Variants in RBM6 observed in about 807,000 individuals in gnomAD.
The protein encoded by RBM6 is RNA binding motif protein 6, also known as RNA-binding protein 6.
In RBM6, 23 loss-of-function variants were observed where a neutral mutation model predicts 140.4. That is an observed-to-expected ratio of 0.16 (90% CI 0.12 to 0.23). The LOEUF (loss-of-function observed/expected upper bound fraction) is 0.23, where lower values mean the gene tolerates loss of function less well. RBM6 is among the 10% of genes least tolerant of loss of function. The pLI, the probability that RBM6 is intolerant of heterozygous loss-of-function variation, is 1.00. For missense variants in RBM6, 1,139 were observed against 1,386.7 expected (o/e 0.82, Z 2.84); for synonymous variants, 439 against 475.6 (o/e 0.92, Z 1.00).
chr3:50,005,273 G>T (rs2086521333), intron 6 of RBM6, among the ~76,000 whole-genome samples: 1 of 152,094 alleles, frequency 6.6e-6, no homozygotes. Context: ...GTGACAGGAG[G>T]ATCACTTGAG....
At chr3:49,986,932 T>C (rs920376732) in intron 5 of RBM6, among the ~76,000 whole-genome samples, 1 of 152,012 alleles carries the variant, frequency 6.6e-6, no homozygotes, top group African/African-American at 2.4e-5. Flanking sequence ...ACTATAGACA[T>C]GCACCACCAT....
At chr3:49,995,943 CCA>C (rs1216275919) in intron 5 of RBM6, among the ~76,000 whole-genome samples, 1 of 152,166 alleles carries the variant, frequency 6.6e-6, no homozygotes, top group Non-Finnish European at 1.5e-5. Flanking sequence ...AGCAATACAA[CCA>C]CTGTAAACAT....
chr3:49,994,772 CCTG>C (rs1277977412), intron 5 of RBM6, among the ~76,000 whole-genome samples: 43 of 151,740 alleles, frequency 2.8e-4, no homozygotes, highest in African/African-American at 8.5e-4. Context: ...AAAAAACCTT[CCTG>C]CTAATTGTGT....
At chr3:50,045,351 C>T (rs901786492) in intron 6 of RBM6, among the ~76,000 whole-genome samples, 5 of 152,184 alleles carry the variant, frequency 3.3e-5, no homozygotes, top group African/African-American at 4.8e-5. Flanking sequence ...CAGATGTATG[C>T]TCTAACAGCA....
At chr3:49,944,917 C>T (rs1486522998) in intron 1 of RBM6, among the ~76,000 whole-genome samples, 2 of 151,066 alleles carry the variant, frequency 1.3e-5, no homozygotes, top group East Asian at 3.9e-4. Context: ...TGCTCTGTCG[C>T]CCAGGCTGGA....
At chr3:49,986,722 C>T (rs1003782444) in intron 5 of RBM6, among the ~76,000 whole-genome samples, 1 of 151,428 alleles carries the variant, frequency 6.6e-6, no homozygotes, top group Admixed American at 6.6e-5. Flanking sequence ...CTCTTCTCTT[C>T]TCCTCTCTTC....
chr3:49,980,442 T>TA (rs2085256385), intron 5 of RBM6, among the ~76,000 whole-genome samples: 1 of 152,048 alleles, frequency 6.6e-6, no homozygotes, highest in Admixed American at 6.6e-5. Context: ...ATTGATAAAG[T>TA]AGATGGATCA....
chr3:49,958,584 A>C (rs2084120884), intron 1 of RBM6, among the ~76,000 whole-genome samples: 5 of 150,674 alleles, frequency 3.3e-5, no homozygotes, highest in Admixed American at 2.7e-4. Flanking sequence ...AAAAACAAAA[A>C]ACAAAAAACC....
rs189559218 is a variant in RBM6 at position 49,942,438 on chromosome 3, G to T, written c.-67+2213G>T. ...CGAGAGGCGGAGCTTGCAGTGAGCCGAGATTGCGCCACTGCACTCCAGCCT... is the reference window on the plus strand; with the variant it reads ...CGAGAGGCGGAGCTTGCAGTGAGCCTAGATTGCGCCACTGCACTCCAGCCT... On this transcript the variant is annotated intron_variant, in intron 1 of 20. Transcript: ENST00000266022. 1.6e-4 allele frequency among the ~76,000 whole-genome samples: 24 copies of T among 149,166 alleles called. No individual in the cohort carries two copies. The East Asian group carries it at 4.7e-3, about 29-fold the overall frequency.
intron 11 of RBM6, 129 bp downstream of exon 11, chr3:50,059,875 T>C (rs961266265): frequency 3.1e-6 from 2 of 642,768 alleles, no homozygotes; most frequent in Admixed American, 3.3e-5. Flanking sequence ...GATAGGTGTT[T>C]ATTACAGTTT....
At chr3:50,028,746 C>T (rs2087978412) in intron 6 of RBM6, among the ~76,000 whole-genome samples, 1 of 152,200 alleles carries the variant, frequency 6.6e-6, no homozygotes, top group African/African-American at 2.4e-5. Flanking sequence ...AAGGTTAGAA[C>T]TGGACCTGGC....
intron 1 of RBM6, among the ~76,000 whole-genome samples, chr3:49,962,320 T>G (rs555070370): frequency 1.3e-5 from 2 of 148,352 alleles, no homozygotes; most frequent in African/African-American, 5.0e-5. Flanking sequence ...GCGCCTGTAG[T>G]CCTAGCTACT....
At chr3:49,987,245 A>G (rs1436298317) in intron 5 of RBM6, among the ~76,000 whole-genome samples, 1 of 151,568 alleles carries the variant, frequency 6.6e-6, no homozygotes, top group African/African-American at 2.4e-5. Flanking sequence ...CCACCATGCC[A>G]GGCCTCTGAT....
chr3:49,989,160 G>A (rs1345251585), intron 5 of RBM6, among the ~76,000 whole-genome samples: 1 of 152,088 alleles, frequency 6.6e-6, no homozygotes, highest in Non-Finnish European at 1.5e-5. Context: ...TGCACCAAAC[G>A]AAACAACTTC....
At chr3:49,961,180 C>G (rs1444988728) in intron 1 of RBM6, among the ~76,000 whole-genome samples, 1 of 152,038 alleles carries the variant, frequency 6.6e-6, no homozygotes, top group Admixed American at 6.6e-5. Flanking sequence ...CGGTTTCAAG[C>G]GTTTCTCCTG....
intron 1 of RBM6, among the ~76,000 whole-genome samples, chr3:49,943,820 C>T (rs2108562588): frequency 6.6e-6 from 1 of 152,250 alleles, no homozygotes; most frequent in East Asian, 1.9e-4. Flanking sequence ...ATGGCTGCAT[C>T]GTTTTACATT....
Position 50,058,603 on chromosome 3 carries a change from C to T in RBM6, c.2130+41C>T, listed in dbSNP as rs145635475. 6.5e-4 allele frequency: 996 copies of T among 1,539,646 alleles called. 4 individuals are homozygous for T. In the African/African-American group the frequency reaches 0.012, roughly 18 times the overall value. On this transcript the variant is annotated intron_variant, in intron 10 of 20. Coordinates refer to ENST00000266022, the MANE Select transcript of RBM6 (RefSeq NM_005777.3). ...CTTGGATTGGCCTAGAGACAGATGG[C>T]TAAAGAACCTTCAAGAAGGTTTGAC...
At chr3:50,031,212 C>T (rs1482090941) in intron 6 of RBM6, among the ~76,000 whole-genome samples, 1 of 152,166 alleles carries the variant, frequency 6.6e-6, no homozygotes, top group Admixed American at 6.5e-5. Flanking sequence ...TACCATTTGA[C>T]CCAGCCATCC....
chr3:49,967,075 G>C lies in RBM6; in HGVS notation c.45-395G>C, dbSNP rs1021923826. ...AAATTTACAGTGCATTGATTTTTCTGATATATAGGAATCGTCATGTTGACC... is the reference window on the plus strand; with the variant it reads ...AAATTTACAGTGCATTGATTTTTCTCATATATAGGAATCGTCATGTTGACC... On this transcript the variant is annotated intron_variant, in intron 2 of 20. Coordinates refer to ENST00000266022, the MANE Select transcript of RBM6 (RefSeq NM_005777.3). This position sits in a 1 kb window ranked among gnomAD's most constrained non-coding sequence, Gnocchi z 4.0. The C allele has an allele frequency of 1.5e-5, 4 of 262,426 alleles. No individual in the cohort carries two copies. The highest frequency in any genetic ancestry group is 1.1e-4 in the Admixed American group (2 of 18,586). The allele number at this position is 262,426 out of a possible 1,614,324, so 16.3% of individuals were successfully genotyped here.
Sources: gnomAD v4.1 joint callset for allele counts (sites outside exome capture counted in the v4.1 genomes callset) on GRCh38, gnomAD v4.1.1 for gene constraint, Gnocchi (gnomAD v3.1) non-coding constraint, MANE v1.5 for transcripts, NCBI Gene and HGNC (gene_info 2026-07-23, HGNC 2026-07-21) for gene names.